The following PSAP variants were observed in gnomAD, a reference collection of about 807,000 sequenced individuals.
PSAP encodes the protein precursor of saposins.
Under a neutral mutation model 66.0 loss-of-function variants are expected in PSAP, and 25 were observed. The observed-to-expected ratio is 0.38, with a 90% CI of 0.28 to 0.53. The LOEUF (loss-of-function observed/expected upper bound fraction) is 0.53. PSAP is among the 20% of genes least tolerant of loss of function. The pLI, the probability that PSAP is intolerant of heterozygous loss-of-function variation, is 0.83. For missense variants in PSAP, 649 were observed against 668.8 expected, an observed-to-expected ratio of 0.97 and a Z score of 0.33; for synonymous variants, 273 against 258.9, an observed-to-expected ratio of 1.05 and a Z score of -0.52.
At chr10:71,834,825 A>T (rs372117679) in intron 1 of PSAP, among the ~76,000 whole-genome samples, 34 of 152,270 alleles carry the variant, frequency 2.2e-4, no homozygotes, top group African/African-American at 8.2e-4. Context: ...CATAACCTTA[A>T]AATGTTTCCA....
At chr10:71,822,320 G>T in intron 7 of PSAP, 1 of 438,650 alleles carries the variant, frequency 2.3e-6, no homozygotes, top group South Asian at 2.0e-5. Flanking sequence ...AGGACACCTG[G>T]TCTGTTCTAG....
In PSAP at chr10:71,819,582, C is replaced by A. The variant is rs751867103; in HGVS notation, c.1233G>T (p.Val411=). Residue 411 remains valine (V), a synonymous_variant, in exon 11 of 14, where the codon GTG becomes GTT. Coordinates refer to ENST00000394936, the MANE Select transcript of PSAP (RefSeq NM_002778.4). ...TQPKDGGFCE[V]CKKLVGYLDR... ...CCAAATAACCCACCAGCTTCTTGCA[C>A]ACTTCGCAGAAGCCACCGTCCTTTG... The A allele has an allele frequency of 1.1e-5, 17 of 1,614,124 alleles. No individual in the cohort carries two copies. Among genetic ancestry groups the A allele is most frequent in the Non-Finnish European group, 1.4e-5 (16 of 1,180,054 alleles).
At chr10:71,840,351 C>G (rs549118795) in intron 1 of PSAP, among the ~76,000 whole-genome samples, 105 of 152,186 alleles carry the variant, frequency 6.9e-4, no homozygotes, top group Non-Finnish European at 4.0e-4. Flanking sequence ...GCGGCTTCTA[C>G]CGCAGGGCAT....
chr10:71,843,419 A>C (rs1271866363), intron 1 of PSAP, among the ~76,000 whole-genome samples: 13 of 151,486 alleles, frequency 8.6e-5, no homozygotes. Context: ...AATGCCTGAA[A>C]AAGAGACTTA....
intron 1 of PSAP, among the ~76,000 whole-genome samples, chr10:71,836,607 A>G (rs7905774): frequency 0.12 from 18,575 of 152,134 alleles, 1,197 homozygotes; most frequent in East Asian, 0.26. Flanking sequence ...TACACAGGGA[A>G]GCCAGAAGAG....
Position 71,831,968 on chromosome 10 carries a change from C to T in PSAP, c.175-48G>A, listed in dbSNP as rs750041946. 25 of 1,545,956 alleles carry T rather than the reference C, an allele frequency of 1.6e-5. No homozygotes were observed. The South Asian group carries it at 2.6e-4, about 16-fold the overall frequency. ...TTTGTATTTGCAGGACACAAATTCA[C>T]ACCCCACACAGCTGGAACTCCCCAT... On this transcript the variant is annotated intron_variant, in intron 2 of 13. Coordinates refer to ENST00000394936, the MANE Select transcript of PSAP (RefSeq NM_002778.4).
intron 13 of PSAP, 94 bp downstream of exon 13, chr10:71,818,521 GGA>G: frequency 9.4e-7 from 1 of 1,058,642 alleles, no homozygotes; most frequent in Non-Finnish European, 1.5e-6. Context: ...AAAGCAGGGT[GGA>G]GAGTTGATCA....
intron 2 of PSAP, among the ~76,000 whole-genome samples, chr10:71,833,053 C>T (rs931635702): frequency 2.2e-5 from 3 of 136,002 alleles, no homozygotes; most frequent in Admixed American, 1.5e-4. Flanking sequence ...AACAGAAGGC[C>T]GGGCCATGAC....
chr10:71,844,239 A>T (rs1438834098), intron 1 of PSAP, among the ~76,000 whole-genome samples: 1 of 152,264 alleles, frequency 6.6e-6, no homozygotes, highest in Non-Finnish European at 1.5e-5. Context: ...TCCACAACTC[A>T]GCAATTCTGC....
chr10:71,833,705 T>C (rs894753993), intron 2 of PSAP, among the ~76,000 whole-genome samples: 1 of 152,210 alleles, frequency 6.6e-6, no homozygotes, highest in African/African-American at 2.4e-5. Flanking sequence ...GAGCATCTCC[T>C]GAGAGGGCTT....
In PSAP at chr10:71,828,867, G is replaced by T; in HGVS notation, c.576+10C>A. On this transcript the variant is annotated intron_variant, in intron 5 of 13. Transcript: ENST00000394936. Reference sequence around the variant, plus strand: ...AAAATGGGTCCTCAGTGGCCAGCCCGTTGTCTTACCTTTGGCTGGGGCTTG... The same window carrying T: ...AAAATGGGTCCTCAGTGGCCAGCCCTTTGTCTTACCTTTGGCTGGGGCTTG... The T allele has an allele frequency of 6.2e-7, 1 of 1,613,778 alleles. No individual in the cohort carries two copies. The highest frequency in any genetic ancestry group is 8.5e-7 in the Non-Finnish European group (1 of 1,179,954).
intron 12 of PSAP, 141 bp downstream of exon 12, chr10:71,818,890 G>T: frequency 9.8e-7 from 1 of 1,023,616 alleles, no homozygotes; most frequent in Non-Finnish European, 1.5e-6. Flanking sequence ...TTGGGGGGCT[G>T]GCTCCCTACC....
At chr10:71,851,106 G>A in intron 1 of PSAP, 76 bp downstream of exon 1, 1 of 1,506,374 alleles carries the variant, frequency 6.6e-7, no homozygotes, top group Non-Finnish European at 9.0e-7. Context: ...GAGGGGCCAG[G>A]CCCGGCACAG....
At chr10:71,842,549 T>C (rs1233656268) in intron 1 of PSAP, among the ~76,000 whole-genome samples, 1 of 152,180 alleles carries the variant, frequency 6.6e-6, no homozygotes, top group East Asian at 1.9e-4. Flanking sequence ...AACCAAAAGT[T>C]TGAGAGCCTC....
intron 1 of PSAP, among the ~76,000 whole-genome samples, chr10:71,839,713 G>T (rs900456194): frequency 2.0e-5 from 3 of 152,086 alleles, no homozygotes; most frequent in African/African-American, 2.4e-5. Flanking sequence ...AATTAGCTGG[G>T]TGTGGTGGCA....
rs139966115 is a variant in PSAP at position 71,832,003 on chromosome 10, G to A, written c.175-83C>T. ...AGCTGGAACTCCCCATGGCCTTTTC[G>A]CTATTCTCTCTAACCAGGGATATGA... On this transcript the variant is annotated intron_variant, in intron 2 of 13. Transcript: ENST00000394936. The A allele has an allele frequency of 1.7e-3, 2,303 of 1,319,218 alleles. 34 individuals are homozygous for A. The African/African-American group carries it at 0.027, about 16-fold the overall frequency. The allele number at this position is 1,319,218 out of a possible 1,614,324, so 81.7% of individuals were successfully genotyped here. A position where few individuals can be genotyped will look rare whatever the true frequency, so the allele number is the denominator to read the frequency against.
chr10:71,818,336 G>A (rs1462863388), intron 13 of PSAP, among the ~76,000 whole-genome samples: 1 of 152,110 alleles, frequency 6.6e-6, no homozygotes, highest in Non-Finnish European at 1.5e-5. Context: ...GTCTGACACT[G>A]TCACAAGGGA....
At chr10:71,838,626 C>T (rs1377414248) in intron 1 of PSAP, among the ~76,000 whole-genome samples, 3 of 152,056 alleles carry the variant, frequency 2.0e-5, no homozygotes, top group African/African-American at 4.8e-5. Flanking sequence ...TGGTGGTGCA[C>T]GCCTCAGTAG....
chr10:71,844,867 C>A (rs1011289293), intron 1 of PSAP: 4 of 152,180 alleles, frequency 2.6e-5, no homozygotes, highest in Admixed American at 2.6e-4. Context: ...ACAGTGGTCC[C>A]TCCTTAACCA....
Sources: allele counts gnomAD v4.1 joint callset (sites outside exome capture counted in the v4.1 genomes callset), GRCh38; gene constraint gnomAD v4.1.1; transcripts MANE v1.5; gene names NCBI Gene and HGNC (gene_info 2026-07-23, HGNC 2026-07-21).